Variants in ABLIM1 observed in about 807,000 individuals in gnomAD.
ABLIM1 encodes actin-binding LIM protein 1.
A neutral mutation model predicts 107.0 loss-of-function variants in ABLIM1; 40 were observed. The observed-to-expected ratio is 0.37, with a 90% confidence interval of 0.29 to 0.49. ABLIM1 has a LOEUF of 0.49. Among genes scored for constraint, ABLIM1 ranks in the 20% least tolerant of loss-of-function variants. The probability of loss-of-function intolerance (pLI) is 0.97; values close to 1 mark genes in which losing one functional copy is unlikely to be tolerated. For synonymous variants in ABLIM1, 357 were observed against 357.3 expected (o/e 1.00, Z 0.01); for missense variants, 857 against 1,008.5 (o/e 0.85, Z 2.04).
chr10:114,734,942 A>T (rs7894021), intron 1 of ABLIM1, among the ~76,000 whole-genome samples: 8,389 of 152,286 alleles, frequency 0.055, 353 homozygotes, highest in African/African-American at 0.12. Flanking sequence ...GAAGAGCTTT[A>T]AAGTGAGAAC....
chr10:114,484,381 G>A (rs1334517762), intron 8 of ABLIM1, among the ~76,000 whole-genome samples: 1 of 152,006 alleles, frequency 6.6e-6, no homozygotes, highest in Non-Finnish European at 1.5e-5. Context: ...CCACTTCACT[G>A]TTCTTTTGTT....
At chr10:114,622,060 C>T (rs1030905908) in intron 1 of ABLIM1, among the ~76,000 whole-genome samples, 12 of 152,148 alleles carry the variant, frequency 7.9e-5, no homozygotes, top group African/African-American at 2.9e-4. Context: ...TCAAGTGGCA[C>T]ATGGCAGCAG....
chr10:114,563,469 A>G, intron 4 of ABLIM1, among the ~76,000 whole-genome samples: 1 of 152,152 alleles, frequency 6.6e-6, no homozygotes, highest in East Asian at 1.9e-4. Context: ...TTAAAATGCA[A>G]TTGGTTATGC....
intron 1 of ABLIM1, among the ~76,000 whole-genome samples, chr10:114,674,132 A>T (rs1362831495): frequency 6.6e-6 from 1 of 151,960 alleles, no homozygotes; most frequent in East Asian, 1.9e-4. Context: ...TATACTAGAA[A>T]CACAAAAATC....
chr10:114,448,212 C>T (rs560214801), intron 14 of ABLIM1, among the ~76,000 whole-genome samples, 192 bp from the exon 15 acceptor site: 1 of 152,202 alleles, frequency 6.6e-6, no homozygotes, highest in South Asian at 2.1e-4. Flanking sequence ...CCTTACTTTA[C>T]GTCAGAAGCA....
the ABLIM1 span, among the ~76,000 whole-genome samples, chr10:114,776,924 GT>G: frequency 5.2e-3 from 792 of 152,214 alleles, 9 homozygotes; most frequent in African/African-American, 0.018. Flanking sequence ...AGCCTAAAAT[GT>G]TTTTTAATTT....
chr10:114,548,193 C>T (rs2067608388), intron 4 of ABLIM1, among the ~76,000 whole-genome samples: 1 of 152,208 alleles, frequency 6.6e-6, no homozygotes, highest in Admixed American at 6.5e-5. Context: ...TCGCCTAACA[C>T]TATATACGTG....
intron 8 of ABLIM1, among the ~76,000 whole-genome samples, chr10:114,476,576 G>A (rs949819974): frequency 6.6e-6 from 1 of 151,520 alleles, no homozygotes; most frequent in African/African-American, 2.4e-5. Context: ...CTTGGGAGGC[G>A]GAGGGTGCAG....
chr10:114,440,204 TC>T, intron 19 of ABLIM1, 115 bp from the exon 20 acceptor site: 1 of 1,087,530 alleles, frequency 9.2e-7, no homozygotes, highest in Non-Finnish European at 1.4e-6. Context: ...TAAACCATGT[TC>T]TTTTTCTGCT....
intron 1 of ABLIM1, among the ~76,000 whole-genome samples, chr10:114,757,609 C>T (rs530904534): frequency 6.6e-6 from 1 of 152,258 alleles, no homozygotes; most frequent in African/African-American, 2.4e-5. Context: ...GAAACATTTC[C>T]AGAATCCAAT....
At chr10:114,451,533 G>A in intron 14 of ABLIM1, 91 bp downstream of exon 14, 1 of 1,209,012 alleles carries the variant, frequency 8.3e-7, no homozygotes, top group Non-Finnish European at 1.2e-6. Context: ...ACTCTCAAAA[G>A]CAGCAGCAGG....
chr10:114,551,162 G>A (rs2068012584), intron 4 of ABLIM1, among the ~76,000 whole-genome samples: 1 of 152,210 alleles, frequency 6.6e-6, no homozygotes, highest in African/African-American at 2.4e-5. Flanking sequence ...CTGCTATCAG[G>A]AAGAAAAGAG....
At chr10:114,708,550 G>A (rs529997161) in intron 1 of ABLIM1, among the ~76,000 whole-genome samples, 18 of 151,584 alleles carry the variant, frequency 1.2e-4, no homozygotes, top group Non-Finnish European at 1.2e-4. Context: ...AGGAGCAAGA[G>A]GGGGTACAGG....
At chr10:114,658,316 G>T, upstream of ABLIM1, 1 of 1,497,498 alleles carries the variant, frequency 6.7e-7, no homozygotes. Flanking sequence ...TCACTGCCCA[G>T]CAAAGAAGAT....
At chr10:114,557,495 T>C (rs1337661533) in intron 4 of ABLIM1, among the ~76,000 whole-genome samples, 2 of 152,160 alleles carry the variant, frequency 1.3e-5, no homozygotes, top group Admixed American at 6.5e-5. Context: ...TTATCTTTCC[T>C]CTGTTTTAAG....
In ABLIM1 at chr10:114,631,376, G is replaced by C. The variant is rs146355149; in HGVS notation, c.244+26581C>G. 3.2e-4 allele frequency among the ~76,000 whole-genome samples: 48 copies of C among 152,280 alleles called. No homozygotes were observed. The East Asian group carries it at 7.5e-3, about 24-fold the overall frequency. On this transcript the variant is annotated intron_variant, in intron 1 of 22. Coordinates refer to ENST00000533213, the MANE Select transcript of ABLIM1 (RefSeq NM_002313.7). Reference sequence around the variant, plus strand: ...CCTTTAAGAAGGTGTTTGGAGGAGTGATTAGGGATAATAGTGAAATGACAG... The same window carrying C: ...CCTTTAAGAAGGTGTTTGGAGGAGTCATTAGGGATAATAGTGAAATGACAG...
the ABLIM1 span, among the ~76,000 whole-genome samples, chr10:114,786,894 T>G: frequency 6.6e-6 from 1 of 152,140 alleles, no homozygotes; most frequent in Non-Finnish European, 1.5e-5. Context: ...GTGTGGAGAT[T>G]GCAGCCTCTG....
intron 1 of ABLIM1, among the ~76,000 whole-genome samples, chr10:114,648,540 G>T (rs1009067640): frequency 7.2e-5 from 11 of 152,150 alleles, no homozygotes; most frequent in African/African-American, 2.7e-4. Flanking sequence ...GAGTCATCAG[G>T]GATGTTTTCT....
intron 13 of ABLIM1, among the ~76,000 whole-genome samples, chr10:114,452,812 T>C (rs1055656445): frequency 6.6e-6 from 1 of 152,238 alleles, no homozygotes; most frequent in African/African-American, 2.4e-5. Context: ...AGAGCAAAGC[T>C]TGCAGCACCA....
Sources: gnomAD v4.1 joint callset for allele counts (sites outside exome capture counted in the v4.1 genomes callset) on GRCh38, gnomAD v4.1.1 for gene constraint, MANE v1.5 for transcripts, NCBI Gene and HGNC (gene_info 2026-07-23, HGNC 2026-07-21) for gene names.